The following SCNN1G variants were observed in gnomAD, a reference collection of about 807,000 sequenced individuals.
SCNN1G encodes epithelial sodium channel subunit gamma.
SCNN1G carries 27 observed loss-of-function variants against 64.6 expected under a neutral mutation model. That is an observed-to-expected ratio of 0.42 (90% CI 0.31 to 0.58). SCNN1G has a LOEUF of 0.58. Among genes scored for constraint, SCNN1G ranks in the 20% least tolerant of loss-of-function variants. The pLI is 0.18. For synonymous variants in SCNN1G, 330 were observed against 314.2 expected (o/e 1.05, Z -0.53); for missense variants, 743 against 823.4 (o/e 0.90, Z 1.19).
At chr16:23,198,808 C>T (rs953285112) in intron 6 of SCNN1G, among the ~76,000 whole-genome samples, 2 of 150,958 alleles carry the variant, frequency 1.3e-5, no homozygotes, top group African/African-American at 2.4e-5. Context: ...TAGTCCCAGC[C>T]ACTCAGGAGG....
intron 1 of SCNN1G, among the ~76,000 whole-genome samples, chr16:23,183,880 G>C (rs2141925602): frequency 6.6e-6 from 1 of 152,304 alleles, no homozygotes; most frequent in African/African-American, 2.4e-5. Context: ...GCAAATCCCA[G>C]CTCAGCCACT....
intron 1 of SCNN1G, among the ~76,000 whole-genome samples, chr16:23,185,640 G>A (rs1301222139): frequency 6.6e-6 from 1 of 152,150 alleles, no homozygotes; most frequent in Non-Finnish European, 1.5e-5. Flanking sequence ...AAGAGAAATC[G>A]TTTCACTTAT....
intron 5 of SCNN1G, among the ~76,000 whole-genome samples, chr16:23,195,478 G>A (rs549686390): frequency 5.3e-5 from 8 of 152,154 alleles, no homozygotes; most frequent in Non-Finnish European, 1.0e-4. Flanking sequence ...AGATATACTC[G>A]CACCAGGACA....
At chr16:23,193,749 A>T (rs1373818814) in intron 4 of SCNN1G, among the ~76,000 whole-genome samples, 1 of 151,422 alleles carries the variant, frequency 6.6e-6, no homozygotes, top group Non-Finnish European at 1.5e-5. Context: ...AAAAGTAAAT[A>T]ACTGGAATCA....
intron 6 of SCNN1G, among the ~76,000 whole-genome samples, chr16:23,202,172 C>A (rs973689278): frequency 6.7e-6 from 1 of 149,026 alleles, no homozygotes; most frequent in Admixed American, 6.9e-5. Context: ...TGGAAACAGA[C>A]CTTTTCTGCC....
chr16:23,205,367 G>C (rs928076949), intron 6 of SCNN1G, among the ~76,000 whole-genome samples: 3 of 152,040 alleles, frequency 2.0e-5, no homozygotes, highest in Admixed American at 6.6e-5. Flanking sequence ...CATGGGAGGG[G>C]CCCTGAGACA....
At chr16:23,183,292 G>A (rs986256908) in intron 1 of SCNN1G, among the ~76,000 whole-genome samples, 3 of 152,242 alleles carry the variant, frequency 2.0e-5, no homozygotes, top group Admixed American at 6.5e-5. Flanking sequence ...TTCCGCCACA[G>A]GACAGCGCCC....
chr16:23,215,520 G>A lies in SCNN1G; in HGVS notation c.*51G>A. On this transcript the variant is annotated 3_prime_UTR_variant, in exon 13 of 13. Transcript: ENST00000300061. ...TCAGGACCACCAGCCATGGTCTAAG[G>A]ACATGGATCGGGTGCCCCCAGACGT... is the stretch of plus-strand genomic sequence containing the variant. 2 of 1,595,944 alleles carry A rather than the reference G, an allele frequency of 1.3e-6. No individual in the cohort carries two copies. Among genetic ancestry groups the A allele is most frequent in the East Asian group, 2.2e-5 (1 of 44,856 alleles).
chr16:23,186,336 C>T lies in SCNN1G; in HGVS notation c.65C>T (p.Ala22Val), dbSNP rs955520279. 5 of 1,614,114 alleles carry T rather than the reference C, an allele frequency of 3.1e-6. No homozygotes were observed. The African/African-American group carries it at 4.0e-5, about 13-fold the overall frequency. The change falls in exon 2 of 13, where the codon GCG becomes GTG. Residue 22 changes from alanine to valine, a missense_variant. Coordinates refer to ENST00000300061, the MANE Select transcript of SCNN1G (RefSeq NM_001039.4). ...KKNLPVTGPQ[A>V]PTIKELMRWY... is the part of the protein sequence containing the mutation. ...AATCTGCCCGTGACGGGCCCTCAGG[C>T]GCCGACCATTAAAGAGCTGATGCGG...
intron 5 of SCNN1G, among the ~76,000 whole-genome samples, chr16:23,195,761 G>A (rs886631987): frequency 2.8e-5 from 4 of 143,780 alleles, no homozygotes; most frequent in Non-Finnish European, 6.1e-5. Context: ...TTTACAAGTT[G>A]TTTACACATT....
chr16:23,194,020 T>G (rs1344764355), intron 4 of SCNN1G, 151 bp from the exon 5 acceptor site: 15 of 690,056 alleles, frequency 2.2e-5, no homozygotes, highest in Non-Finnish European at 2.2e-5. Flanking sequence ...GGGCCTTGTT[T>G]GTCATTTGAT....
At position 23,197,246 on chromosome 16, in the gene SCNN1G, G is replaced by C. The variant is rs772020898; in HGVS notation, c.914-18G>C. ...TTTTCCTAGCCTTGGATCACAGCAG[G>C]TTGTCTTATCCTCCCAGGGCTGCAA... On this transcript the variant is annotated intron_variant, in intron 5 of 12. Coordinates refer to ENST00000300061, the MANE Select transcript of SCNN1G (RefSeq NM_001039.4). 6.2e-7 allele frequency: 1 copy of C among 1,611,148 alleles called. No individual in the cohort carries two copies. The highest frequency in any genetic ancestry group is 2.2e-5 in the East Asian group (1 of 44,866).
At chr16:23,203,896 T>C (rs1315038714) in intron 6 of SCNN1G, among the ~76,000 whole-genome samples, 5 of 150,932 alleles carry the variant, frequency 3.3e-5, no homozygotes, top group Non-Finnish European at 7.4e-5. Context: ...ATGATAATAA[T>C]GACGTTACTT....
At chr16:23,214,284 C>G (rs1158850098) in intron 11 of SCNN1G, among the ~76,000 whole-genome samples, 12 of 152,208 alleles carry the variant, frequency 7.9e-5, no homozygotes, top group Non-Finnish European at 1.5e-5. Context: ...ACATAAAGTT[C>G]TTACGACAGT....
chr16:23,214,812 G>A (rs753397849), intron 12 of SCNN1G, 25 bp downstream of exon 12: 24 of 1,578,942 alleles, frequency 1.5e-5, no homozygotes, highest in East Asian at 2.2e-5. Flanking sequence ...TTCCTTCCAG[G>A]ACCTGTCCTG....
chr16:23,204,270 C>T (rs1959940176), intron 6 of SCNN1G, among the ~76,000 whole-genome samples: 1 of 111,940 alleles, frequency 8.9e-6, no homozygotes, highest in Non-Finnish European at 1.7e-5. Context: ...CAGAGTGATA[C>T]TCCATCACAA....
chr16:23,207,615 A>G (rs940737293), intron 6 of SCNN1G, among the ~76,000 whole-genome samples: 1 of 152,212 alleles, frequency 6.6e-6, no homozygotes, highest in Non-Finnish European at 1.5e-5. Flanking sequence ...GTATGAGTCC[A>G]TGTCTGTCTG....
chr16:23,207,787 G>A (rs975276322), intron 6 of SCNN1G, among the ~76,000 whole-genome samples: 3 of 152,298 alleles, frequency 2.0e-5, no homozygotes, highest in Non-Finnish European at 2.9e-5. Flanking sequence ...AGACTAATGG[G>A]TCAGCAGATG....
chr16:23,188,467 G>A (rs1022977645), intron 2 of SCNN1G, among the ~76,000 whole-genome samples: 5 of 151,984 alleles, frequency 3.3e-5, no homozygotes, highest in Non-Finnish European at 5.9e-5. Flanking sequence ...AACCATGATT[G>A]CACCACTGCA....
Sources: gnomAD v4.1 joint callset for allele counts (sites outside exome capture counted in the v4.1 genomes callset) on GRCh38, gnomAD v4.1.1 for gene constraint, MANE v1.5 for transcripts, NCBI Gene and HGNC (gene_info 2026-07-23, HGNC 2026-07-21) for gene names.